KANSL1: variants seen among roughly 807,000 people sequenced by gnomAD.
KANSL1 encodes the protein KAT8 regulatory NSL complex subunit 1, also known as MLL1/MLL complex subunit KANSL1.
A neutral mutation model predicts 103.6 loss-of-function variants in KANSL1; 22 were observed. The observed-to-expected ratio is 0.21, with a 90% confidence interval of 0.15 to 0.30. The LOEUF (loss-of-function observed/expected upper bound fraction) is 0.30, where lower values mean the gene tolerates loss of function less well. Among genes scored for constraint, KANSL1 ranks in the 10% least tolerant of loss-of-function variants. The pLI is 1.00. For synonymous variants in KANSL1, 600 were observed against 527.6 expected (o/e 1.14, Z -1.88); for missense variants, 1,337 against 1,399.8 (o/e 0.96, Z 0.72).
chr17:46,038,427 C>G, intron 10 of KANSL1, 111 bp downstream of exon 10: 4 of 1,138,752 alleles, frequency 3.5e-6, no homozygotes, highest in Non-Finnish European at 5.0e-6. Flanking sequence ...GAGCTGAGAT[C>G]CTATAAATGC....
chr17:46,070,968 C>A (rs1348984350), intron 4 of KANSL1, among the ~76,000 whole-genome samples: 6 of 152,094 alleles, frequency 3.9e-5, no homozygotes, highest in African/African-American at 9.7e-5. Context: ...AAACATTTAT[C>A]TTTCTTATAC....
At chr17:46,032,611 A>G in intron 13 of KANSL1, 1 of 363,580 alleles carries the variant, frequency 2.8e-6, no homozygotes. Context: ...AAGTAAAAGT[A>G]AGAGCTCCCA....
At chr17:46,090,082 T>C (rs2079323874) in intron 3 of KANSL1, among the ~76,000 whole-genome samples, 1 of 152,190 alleles carries the variant, frequency 6.6e-6, no homozygotes, top group African/African-American at 2.4e-5. Context: ...AAATTCAATA[T>C]GACTGGTGTC....
intron 2 of KANSL1, among the ~76,000 whole-genome samples, chr17:46,161,170 T>C (rs1398928103): frequency 9.3e-5 from 14 of 149,762 alleles, no homozygotes; most frequent in Non-Finnish European, 2.9e-5. Flanking sequence ...ATCCCAGCAC[T>C]TTGGGAGGCC....
intron 1 of KANSL1, among the ~76,000 whole-genome samples, chr17:46,190,491 T>G (rs2047262669): frequency 6.6e-6 from 1 of 152,242 alleles, no homozygotes; most frequent in African/African-American, 2.4e-5. Flanking sequence ...AATACTTCAC[T>G]TCAGTGGACT....
intron 3 of KANSL1, among the ~76,000 whole-genome samples, chr17:46,084,380 T>G (rs1173279947): frequency 7.1e-6 from 1 of 140,398 alleles, no homozygotes; most frequent in Admixed American, 7.3e-5. Context: ...AGGCTCTATC[T>G]CCAACAACAA....
chr17:46,046,769 G>A (rs1200778176), intron 7 of KANSL1, among the ~76,000 whole-genome samples: 2 of 150,800 alleles, frequency 1.3e-5, no homozygotes, highest in Non-Finnish European at 3.0e-5. Flanking sequence ...CTTGGGAGGC[G>A]GAGGTTGCAG....
chr17:46,066,617 C>A lies in KANSL1; in HGVS notation c.1768G>T (p.Ala590Ser), dbSNP rs1372778597. Residue 590 changes from alanine to serine, a missense_variant, in exon 6 of 15, where the codon GCA becomes TCA. This residue lies in a region of KANSL1 where 780 missense variants were observed against 923.4 expected (regional missense o/e 0.84). Coordinates refer to ENST00000432791, the MANE Select transcript of KANSL1 (RefSeq NM_015443.4). ...CTCAGTACAGGACGTGTCCGGGCTG[C>A]CACACAGGTGCCATCAGATGATGAA... is the stretch of plus-strand genomic sequence containing the variant. ...VSSSSDGTCV[A>S]ARTRPVLSCK... The A allele has an allele frequency of 6.2e-7, 1 of 1,614,050 alleles. No homozygotes were observed. The highest frequency in any genetic ancestry group is 1.3e-5 in the African/African-American group (1 of 74,930).
At chr17:46,054,324 G>T (rs1304066598) in intron 6 of KANSL1, among the ~76,000 whole-genome samples, 1 of 152,186 alleles carries the variant, frequency 6.6e-6, no homozygotes, top group South Asian at 2.1e-4. Context: ...AAAGTGCTGG[G>T]ATTACAGGCG....
At chr17:46,078,832 C>T (rs1472991262) in intron 4 of KANSL1, among the ~76,000 whole-genome samples, 3 of 152,192 alleles carry the variant, frequency 2.0e-5, no homozygotes, top group African/African-American at 7.2e-5. Context: ...GAGAACAACT[C>T]TCAACCGCTT....
intron 6 of KANSL1, among the ~76,000 whole-genome samples, chr17:46,055,942 C>T (rs1236925811): frequency 6.6e-6 from 1 of 152,114 alleles, no homozygotes; most frequent in Non-Finnish European, 1.5e-5. Flanking sequence ...CAGAAGAAAA[C>T]GGCTGCATTT....
Position 46,213,593 on chromosome 17 carries a change from C to A in KANSL1, c.-90+10078G>T, listed in dbSNP as rs191570974. Among the ~76,000 whole-genome samples the A allele has an allele frequency of 1.5e-3, 229 of 149,762 alleles. 1 individual carries two copies. Among genetic ancestry groups the A allele is most frequent in the African/African-American group, 5.4e-3 (220 of 40,744 alleles). ...AAAGTGCTGGGATTACAGGCGTGAG[C>A]CACCGTGCCCGGCCCAAACGTTTTC... On this transcript the variant is annotated intron_variant, in intron 1 of 14. Coordinates refer to the KANSL1 transcript ENST00000572904.
chr17:46,074,331 A>T (rs62060834), intron 4 of KANSL1, among the ~76,000 whole-genome samples: 21,790 of 152,166 alleles, frequency 0.14, 2,130 homozygotes, highest in Non-Finnish European at 0.22. Flanking sequence ...TATCCATGGG[A>T]CCATCCTGAT....
rs745774664 is a variant in KANSL1 at position 46,172,166 on chromosome 17, C to T, written c.-23G>A. On this transcript the variant is annotated 5_prime_UTR_variant, in exon 2 of 15. Coordinates refer to ENST00000432791, the MANE Select transcript of KANSL1 (RefSeq NM_015443.4). ...CATTCAGCACAGAGAGACAGGAAGT[C>T]CAGCCTCTCCCGATGCCGAGGCCGA... The T allele has an allele frequency of 2.5e-6, 4 of 1,593,972 alleles. No individual in the cohort carries two copies. In the South Asian group the frequency reaches 3.3e-5, roughly 13 times the overall value.
intron 2 of KANSL1, among the ~76,000 whole-genome samples, chr17:46,155,465 T>C (rs2147543611): frequency 6.6e-6 from 1 of 152,230 alleles, no homozygotes; most frequent in African/African-American, 2.4e-5. Context: ...GCCTTGGGGA[T>C]TATTTTGACC....
chr17:46,215,762 C>T (rs897286227), intron 1 of KANSL1, among the ~76,000 whole-genome samples: 1 of 152,208 alleles, frequency 6.6e-6, no homozygotes, highest in Admixed American at 6.5e-5. Flanking sequence ...ATAAGATGGC[C>T]AGATGCAGTG....
intron 2 of KANSL1, among the ~76,000 whole-genome samples, chr17:46,129,939 A>G (rs1567708797): frequency 1.3e-5 from 2 of 152,090 alleles, no homozygotes; most frequent in Admixed American, 6.5e-5. Flanking sequence ...TAATTCTAGC[A>G]CTTTGGGAGG....
chr17:46,128,859 G>A (rs1399049614), intron 2 of KANSL1, among the ~76,000 whole-genome samples: 3 of 152,198 alleles, frequency 2.0e-5, no homozygotes, highest in Non-Finnish European at 4.4e-5. Context: ...GGAAGCCTTT[G>A]AAGAACTTTG....
intron 1 of KANSL1, among the ~76,000 whole-genome samples, chr17:46,174,981 A>T (rs866573309): frequency 6.6e-6 from 1 of 152,238 alleles, no homozygotes; most frequent in African/African-American, 2.4e-5. Context: ...ATATTTTTTA[A>T]ATTTCTCAAA....
Sources: gnomAD v4.1 joint callset for allele counts (sites outside exome capture counted in the v4.1 genomes callset) on GRCh38, gnomAD v4.1.1 for gene constraint, gnomAD v4.1.1 regional missense constraint, MANE v1.5 for transcripts, NCBI Gene and HGNC (gene_info 2026-07-23, HGNC 2026-07-21) for gene names.